SPIDR: variants seen among roughly 807,000 people sequenced by gnomAD.
The protein encoded by SPIDR is scaffold protein involved in DNA repair, also known as DNA repair-scaffolding protein.
Under a neutral mutation model 104.6 loss-of-function variants are expected in SPIDR, and 93 were observed. The observed-to-expected ratio is 0.89, with a 90% confidence interval of 0.75 to 1.06. The LOEUF (loss-of-function observed/expected upper bound fraction) is 1.06, where lower values mean the gene tolerates loss of function less well. SPIDR is among the 50% of genes least tolerant of loss of function. The probability of loss-of-function intolerance (pLI) is 0.00; values close to 1 mark genes in which losing one functional copy is unlikely to be tolerated. For missense variants in SPIDR, 1,154 were observed against 1,111.2 expected, an observed-to-expected ratio of 1.04 and a Z score of -0.55; for synonymous variants, 431 against 416.9, an observed-to-expected ratio of 1.03 and a Z score of -0.41.
chr8:47,609,244 A>G (rs1461023599), intron 10 of SPIDR, among the ~76,000 whole-genome samples: 4 of 152,142 alleles, frequency 2.6e-5, no homozygotes, highest in Non-Finnish European at 4.4e-5. Flanking sequence ...TATCATTTTA[A>G]TGAGGTCCAA....
chr8:47,584,132 A>G (rs1194412004), intron 8 of SPIDR, among the ~76,000 whole-genome samples: 2 of 152,190 alleles, frequency 1.3e-5, no homozygotes, highest in Non-Finnish European at 2.9e-5. Context: ...CATATAGATC[A>G]TATCATATTT....
Position 47,288,746 on chromosome 8 carries a change from A to G in SPIDR, c.257-2287A>G, listed in dbSNP as rs1234176546. Among the ~76,000 whole-genome samples the G allele has an allele frequency of 2.6e-5, 4 of 152,376 alleles. No homozygotes were observed. The South Asian group carries it at 6.2e-4, about 24-fold the overall frequency. ...CCTTTTATAACGTGAACAATAGGCC[A>G]CTTCAGTAATTCTAGATGTTTGTGG... On this transcript the variant is annotated intron_variant, in intron 3 of 19. Coordinates refer to ENST00000297423, the MANE Select transcript of SPIDR (RefSeq NM_001080394.4).
intron 8 of SPIDR, among the ~76,000 whole-genome samples, chr8:47,560,727 CT>C (rs928306269): frequency 2.6e-5 from 4 of 152,102 alleles, no homozygotes; most frequent in Non-Finnish European, 4.4e-5. Context: ...CTTCTTTTGC[CT>C]TGCTGTTCTC....
chr8:47,550,185 A>G (rs1272551518), intron 8 of SPIDR, among the ~76,000 whole-genome samples: 3 of 152,108 alleles, frequency 2.0e-5, no homozygotes, highest in Admixed American at 1.3e-4. Flanking sequence ...AGTATAGTTT[A>G]AAGTCAAGTA....
At chr8:47,539,985 A>C (rs1359192472) in intron 8 of SPIDR, among the ~76,000 whole-genome samples, 2 of 152,196 alleles carry the variant, frequency 1.3e-5, no homozygotes, top group East Asian at 3.8e-4. Flanking sequence ...GAGAGACAGC[A>C]AATAAGAGGA....
At chr8:47,604,367 A>C (rs2062684134) in intron 10 of SPIDR, among the ~76,000 whole-genome samples, 1 of 152,198 alleles carries the variant, frequency 6.6e-6, no homozygotes, top group Non-Finnish European at 1.5e-5. Flanking sequence ...GCCACAGCCT[A>C]GTGGACCATG....
intron 8 of SPIDR, chr8:47,528,225 G>A (rs923942875): frequency 6.6e-6 from 1 of 152,162 alleles, no homozygotes; most frequent in Non-Finnish European, 1.5e-5. Flanking sequence ...AGTGAGAAAG[G>A]AATCCTTGAT....
At chr8:47,448,340 T>A (rs2071071930) in intron 8 of SPIDR, among the ~76,000 whole-genome samples, 1 of 152,208 alleles carries the variant, frequency 6.6e-6, no homozygotes, top group African/African-American at 2.4e-5. Flanking sequence ...TCAGCCTTGT[T>A]TATCCTCCCT....
intron 5 of SPIDR, among the ~76,000 whole-genome samples, chr8:47,333,790 A>C (rs1260646036): frequency 7.9e-5 from 12 of 152,228 alleles, no homozygotes; most frequent in Admixed American, 7.9e-4. Flanking sequence ...ATAAGGTTAC[A>C]ACTGCCATGA....
chr8:47,600,589 A>AT (rs1181039512), intron 10 of SPIDR, among the ~76,000 whole-genome samples: 1 of 152,254 alleles, frequency 6.6e-6, no homozygotes, highest in Non-Finnish European at 1.5e-5. Context: ...AATCCATTAA[A>AT]TCAGTTTTAA....
intron 8 of SPIDR, among the ~76,000 whole-genome samples, chr8:47,457,300 T>A (rs2073152189): frequency 6.6e-6 from 1 of 152,180 alleles, no homozygotes; most frequent in African/African-American, 2.4e-5. Flanking sequence ...ATGGCCATTC[T>A]TGCAGGAAGT....
intron 5 of SPIDR, among the ~76,000 whole-genome samples, chr8:47,312,044 T>G (rs1334503697): frequency 6.6e-6 from 1 of 152,242 alleles, no homozygotes; most frequent in African/African-American, 2.4e-5. Flanking sequence ...ACAAAGGACA[T>G]GAACTCTTCA....
intron 5 of SPIDR, among the ~76,000 whole-genome samples, chr8:47,319,732 T>G (rs1444533124): frequency 1.3e-5 from 2 of 151,962 alleles, no homozygotes; most frequent in Admixed American, 1.3e-4. Flanking sequence ...AGAACAGAAA[T>G]TATAACAAAC....
At chr8:47,585,037 A>G (rs1369502886) in intron 8 of SPIDR, among the ~76,000 whole-genome samples, 1 of 152,240 alleles carries the variant, frequency 6.6e-6, no homozygotes, top group African/African-American at 2.4e-5. Flanking sequence ...TAAGAAAAAA[A>G]TGTATCTAGG....
intron 2 of SPIDR, among the ~76,000 whole-genome samples, chr8:47,283,431 C>T (rs1169320592): frequency 1.3e-5 from 2 of 152,030 alleles, no homozygotes; most frequent in Non-Finnish European, 2.9e-5. Flanking sequence ...TGATCACAGA[C>T]CATCATAGCA....
intron 8 of SPIDR, among the ~76,000 whole-genome samples, chr8:47,587,449 T>C (rs1357269080): frequency 6.6e-6 from 1 of 150,772 alleles, no homozygotes; most frequent in African/African-American, 2.4e-5. Flanking sequence ...ACCAAAAAAA[T>C]ACAAAAAAAA....
At chr8:47,717,317 C>T (rs1273059575) in intron 16 of SPIDR, among the ~76,000 whole-genome samples, 1 of 152,180 alleles carries the variant, frequency 6.6e-6, no homozygotes, top group East Asian at 1.9e-4. Context: ...GTCAGGGGCT[C>T]AGGGAGAACA....
At chr8:47,549,723 C>G (rs995982563) in intron 8 of SPIDR, among the ~76,000 whole-genome samples, 1 of 152,164 alleles carries the variant, frequency 6.6e-6, no homozygotes, top group Non-Finnish European at 1.5e-5. Context: ...GTTGCCTGTT[C>G]ACTCTGATGG....
chr8:47,458,616 A>G (rs1267241964), intron 8 of SPIDR, among the ~76,000 whole-genome samples: 1 of 151,782 alleles, frequency 6.6e-6, no homozygotes, highest in Non-Finnish European at 1.5e-5. Flanking sequence ...TTACTGATCT[A>G]GATGCCTTTT....
Sources: allele counts gnomAD v4.1 joint callset (sites outside exome capture counted in the v4.1 genomes callset), GRCh38; gene constraint gnomAD v4.1.1; transcripts MANE v1.5; gene names NCBI Gene and HGNC (gene_info 2026-07-23, HGNC 2026-07-21).